GNAI1: variants seen among roughly 807,000 people sequenced by gnomAD.
GNAI1 encodes guanine nucleotide-binding protein G(i) subunit alpha-1.
GNAI1 carries 11 observed loss-of-function variants against 38.9 expected under a neutral mutation model. That is an observed-to-expected ratio of 0.28 (90% confidence interval 0.18 to 0.47). The LOEUF (loss-of-function observed/expected upper bound fraction) is 0.47. GNAI1 is among the 20% of genes least tolerant of loss of function. The pLI is 0.99. For missense variants in GNAI1, 317 were observed against 436.9 expected (o/e 0.73, Z 2.45); for synonymous variants, 166 against 145.1 (o/e 1.14, Z -1.04).
chr7:80,219,378 TAATA>T lies in GNAI1; in HGVS notation c.*1889_*1892del, dbSNP rs1164920151. 1.3e-5 allele frequency: 2 copies of T among 152,740 alleles called. No homozygotes were observed. Among genetic ancestry groups the T allele is most frequent in the East Asian group, 3.9e-4 (2 of 5,180 alleles). The allele number at this position is 152,740 out of a possible 1,614,324, so 9.5% of individuals were successfully genotyped here. A position where few individuals can be genotyped will look rare whatever the true frequency, so the allele number is the denominator to read the frequency against. On this transcript the variant is annotated 3_prime_UTR_variant, in exon 8 of 8. Transcript: ENST00000649796. ...TCTGTGTAATTGTGTTAATAAATCC[TAATA>T]AATTTAAATTTTTAAAATTTTACAA...
chr7:80,218,121 C>T lies in GNAI1; in HGVS notation c.*628C>T, dbSNP rs913903486. ...TGAAATGTTCTTAAGATGAATACAC[C>T]TGCCTTTGGATCAACTATTTAAACA... On this transcript the variant is annotated 3_prime_UTR_variant, in exon 8 of 8. Transcript: ENST00000649796. 2.6e-5 allele frequency: 4 copies of T among 152,258 alleles called. No homozygotes were observed. The highest frequency in any genetic ancestry group is 6.6e-5 in the Admixed American group (1 of 15,254). The allele number at this position is 152,258 out of a possible 1,614,324, so 9.4% of individuals were successfully genotyped here. A position where few individuals can be genotyped will look rare whatever the true frequency, so the allele number is the denominator to read the frequency against.
At chr7:80,150,025 A>G (rs546502357) in intron 1 of GNAI1, among the ~76,000 whole-genome samples, 3 of 152,324 alleles carry the variant, frequency 2.0e-5, no homozygotes, top group South Asian at 2.1e-4. Context: ...GCAGATTACA[A>G]TGAGATGCCA....
At position 80,222,953 on chromosome 7, in the gene GNAI1, C is replaced by T. The variant is rs951479368; in HGVS notation, c.*5460C>T. ...GCCTAACTTAAAGGTGCTCAGAACA[C>T]TTAGATTAGCATACAGTTGGACAAG... On this transcript the variant is annotated 3_prime_UTR_variant, in exon 8 of 8. Transcript: ENST00000649796. Among the ~76,000 whole-genome samples, 1 of 152,084 alleles carries T rather than the reference C, an allele frequency of 6.6e-6. No individual in the cohort carries two copies. Among genetic ancestry groups the T allele is most frequent in the Non-Finnish European group, 1.5e-5 (1 of 68,010 alleles).
At chr7:80,199,403 A>G in intron 4 of GNAI1, 21 bp downstream of exon 4, 4 of 1,547,820 alleles carry the variant, frequency 2.6e-6, no homozygotes, top group Non-Finnish European at 2.6e-6. Flanking sequence ...ATAACTTCAG[A>G]ACTAAACTAT....
intron 7 of GNAI1, 102 bp from the exon 8 acceptor site, chr7:80,217,201 T>TATGAAACTGACTTCAGTTTCATATGC: frequency 1.4e-6 from 1 of 704,714 alleles, no homozygotes; most frequent in East Asian, 2.8e-5. Context: ...AATGAAACTG[T>TATGAAACTGACTTCAGTTTCATATGC]ATGAAACTGA....
In GNAI1 at chr7:80,185,611, A is replaced by C. The variant is rs6956455; in HGVS notation, c.119-3340A>C. 2.0e-5 allele frequency among the ~76,000 whole-genome samples: 3 copies of C among 151,830 alleles called. No homozygotes were observed. The South Asian group carries it at 6.2e-4, about 31-fold the overall frequency. ...GGCAGATAGATTTGCGGTTTCCTCT[A>C]TCTCTGTTCGGTGGCCCTACTACGA... On this transcript the variant is annotated intron_variant, in intron 1 of 7. Coordinates refer to ENST00000649796, the MANE Select transcript of GNAI1 (RefSeq NM_002069.6).
chr7:80,204,673 C>T (rs1023769187), intron 5 of GNAI1, among the ~76,000 whole-genome samples: 3 of 152,100 alleles, frequency 2.0e-5, no homozygotes, highest in African/African-American at 7.2e-5. Context: ...ATTACCATGA[C>T]TTTCTTCTTC....
chr7:80,177,694 G>A (rs1166875851), intron 1 of GNAI1, among the ~76,000 whole-genome samples: 1 of 152,108 alleles, frequency 6.6e-6, no homozygotes, highest in Non-Finnish European at 1.5e-5. Flanking sequence ...GTCCAGATTG[G>A]TCTTGTACTC....
intron 1 of GNAI1, among the ~76,000 whole-genome samples, chr7:80,183,908 A>AGG (rs1788344416): frequency 6.6e-6 from 1 of 151,802 alleles, no homozygotes; most frequent in African/African-American, 2.4e-5. Flanking sequence ...CCTGGATCCT[A>AGG]CCGGTAGGCT....
At chr7:80,161,656 G>A (rs960501399) in intron 1 of GNAI1, among the ~76,000 whole-genome samples, 9 of 152,188 alleles carry the variant, frequency 5.9e-5, no homozygotes, top group African/African-American at 2.2e-4. Flanking sequence ...TTAAATGTGT[G>A]TTAGCCTGTA....
chr7:80,136,077 A>G (rs768968892), intron 1 of GNAI1: 4 of 980,936 alleles, frequency 4.1e-6, no homozygotes, highest in Non-Finnish European at 4.8e-6. Flanking sequence ...TGCCAGGTAC[A>G]CGCAAGGCTT....
chr7:80,179,257 C>T (rs1788250240), intron 1 of GNAI1, among the ~76,000 whole-genome samples: 1 of 152,110 alleles, frequency 6.6e-6, no homozygotes, highest in Non-Finnish European at 1.5e-5. Flanking sequence ...GGCTCTCCAT[C>T]TTTAGCATGC....
intron 1 of GNAI1, among the ~76,000 whole-genome samples, chr7:80,164,189 T>G (rs1787973747): frequency 6.7e-6 from 1 of 149,394 alleles, no homozygotes; most frequent in Non-Finnish European, 1.5e-5. Context: ...GGACTACAGG[T>G]GTGCGCCACC....
chr7:80,214,036 G>A (rs890616928), intron 7 of GNAI1, among the ~76,000 whole-genome samples: 2 of 152,084 alleles, frequency 1.3e-5, no homozygotes, highest in Non-Finnish European at 2.9e-5. Flanking sequence ...CCAGAGTCCA[G>A]TTCCAGACCC....
At chr7:80,198,800 T>C (rs558461031) in intron 3 of GNAI1, among the ~76,000 whole-genome samples, 1 of 152,326 alleles carries the variant, frequency 6.6e-6, no homozygotes, top group Non-Finnish European at 1.5e-5. Flanking sequence ...CTTAATTCAA[T>C]TCTATCTCTA....
intron 1 of GNAI1, among the ~76,000 whole-genome samples, chr7:80,174,672 A>G (rs1788152240): frequency 2.0e-5 from 3 of 151,634 alleles, no homozygotes; most frequent in Non-Finnish European, 2.9e-5. Context: ...TTGTTTATAT[A>G]TTTAAGTCTA....
At chr7:80,212,945 T>G (rs1788899357) in intron 7 of GNAI1, 76 bp downstream of exon 7, 2 of 976,528 alleles carry the variant, frequency 2.0e-6, no homozygotes, top group Non-Finnish European at 3.1e-6. Flanking sequence ...AAGAATTCAG[T>G]TGTTAATTTA....
intron 1 of GNAI1, among the ~76,000 whole-genome samples, chr7:80,158,742 A>G (rs112404761): frequency 2.6e-5 from 4 of 152,228 alleles, no homozygotes; most frequent in East Asian, 1.9e-4. Context: ...TAGTCACAGT[A>G]TAAATGGCAA....
chr7:80,180,183 T>G (rs1449848823), intron 1 of GNAI1, among the ~76,000 whole-genome samples: 1 of 152,220 alleles, frequency 6.6e-6, no homozygotes, highest in Non-Finnish European at 1.5e-5. Flanking sequence ...CAGTATATGA[T>G]TTCCTGATGA....
Sources: gnomAD v4.1 joint callset for allele counts (sites outside exome capture counted in the v4.1 genomes callset) on GRCh38, gnomAD v4.1.1 for gene constraint, MANE v1.5 for transcripts, NCBI Gene and HGNC (gene_info 2026-07-23, HGNC 2026-07-21) for gene names.